ITPR2: variants seen among roughly 807,000 people sequenced by gnomAD.
The protein encoded by ITPR2 is inositol 1,4,5-trisphosphate receptor type 2.
A neutral mutation model predicts 317.1 loss-of-function variants in ITPR2; 207 were observed. That is an observed-to-expected ratio of 0.65 (90% CI 0.58 to 0.73). The LOEUF (loss-of-function observed/expected upper bound fraction) is 0.73. ITPR2 is among the 30% of genes least tolerant of loss of function. ITPR2 has a pLI of 0.00. For missense variants in ITPR2, 2,613 were observed against 3,284.0 expected (o/e 0.80, Z 4.99); for synonymous variants, 1,156 against 1,149.1 (o/e 1.01, Z -0.12).
chr12:26,515,904 G>A (rs1206264124), intron 37 of ITPR2, among the ~76,000 whole-genome samples: 2 of 150,986 alleles, frequency 1.3e-5, no homozygotes, highest in African/African-American at 2.4e-5. Context: ...GAGCCCAGGA[G>A]TTCAAGACCA....
chr12:26,503,087 A>G (rs1389022540), intron 37 of ITPR2, among the ~76,000 whole-genome samples: 1 of 151,834 alleles, frequency 6.6e-6, no homozygotes, highest in East Asian at 1.9e-4. Flanking sequence ...CTCCTGACCC[A>G]CAAACAAGAG....
At chr12:26,572,669 T>G (rs1472083846) in intron 34 of ITPR2, among the ~76,000 whole-genome samples, 1 of 152,210 alleles carries the variant, frequency 6.6e-6, no homozygotes, top group Non-Finnish European at 1.5e-5. Flanking sequence ...TGATGTAAGA[T>G]AAGATCTTGC....
chr12:26,436,570 A>C (rs1475745689), intron 47 of ITPR2, among the ~76,000 whole-genome samples: 1 of 152,210 alleles, frequency 6.6e-6, no homozygotes, highest in Non-Finnish European at 1.5e-5. Context: ...TTTAGGCCTA[A>C]ACTACTGTAG....
At chr12:26,621,519 T>C (rs1027369116) in intron 25 of ITPR2, among the ~76,000 whole-genome samples, 1 of 152,128 alleles carries the variant, frequency 6.6e-6, no homozygotes, top group Non-Finnish European at 1.5e-5. Flanking sequence ...CTGAAGTTAA[T>C]TTTTCTGAGA....
intron 34 of ITPR2, among the ~76,000 whole-genome samples, chr12:26,567,955 T>A (rs1296410579): frequency 1.2e-4 from 1 of 8,040 alleles, no homozygotes; most frequent in Non-Finnish European, 6.9e-4. Flanking sequence ...ATATATTATA[T>A]ATATATATAT....
intron 45 of ITPR2, among the ~76,000 whole-genome samples, chr12:26,456,421 G>C (rs1941886626): frequency 1.3e-5 from 2 of 152,190 alleles, no homozygotes; most frequent in South Asian, 4.1e-4. Context: ...TTCACTTCCA[G>C]GAATTGCCCA....
chr12:26,355,951 CA>C (rs1305872445), intron 55 of ITPR2, among the ~76,000 whole-genome samples: 6 of 152,188 alleles, frequency 3.9e-5, no homozygotes, highest in Non-Finnish European at 7.3e-5. Flanking sequence ...CCATTAGCAT[CA>C]GAGACCTAAA....
At chr12:26,439,077 A>G (rs750549678) in intron 47 of ITPR2, 50 bp downstream of exon 47, 5 of 1,190,008 alleles carry the variant, frequency 4.2e-6, no homozygotes, top group African/African-American at 1.5e-5. Context: ...AAAGTACCAA[A>G]TTATCTACCA....
chr12:26,586,094 A>G (rs1945518887), intron 32 of ITPR2, among the ~76,000 whole-genome samples: 1 of 152,098 alleles, frequency 6.6e-6, no homozygotes, highest in Non-Finnish European at 1.5e-5. Context: ...TGTGATGGTT[A>G]TTACCCTTTT....
In ITPR2 at chr12:26,398,894, T is replaced by C. The variant is rs1250429935; in HGVS notation, c.7678A>G (p.Thr2560Ala). The C allele has an allele frequency of 6.2e-7, 1 of 1,610,406 alleles. No individual in the cohort carries two copies. Among genetic ancestry groups the C allele is most frequent in the South Asian group, 1.1e-5 (1 of 89,996 alleles). ...EKQKKEEILK[T>A]TCFICGLERD... ...CACTTACCACAGATGAAACAAGTTG[T>C]CTTTAGAATTTCTTCTTTTTTCTGT... Residue 2560 changes from threonine (T) to alanine (A), a missense_variant, in exon 54 of 57, where the codon ACA becomes GCA. Thr to Ala is a moderately conservative substitution (Grantham distance 58, BLOSUM62 0). Coordinates refer to ENST00000381340, the MANE Select transcript of ITPR2 (RefSeq NM_002223.4).
intron 34 of ITPR2, among the ~76,000 whole-genome samples, chr12:26,562,916 T>C (rs1944858481): frequency 7.5e-6 from 1 of 134,210 alleles, no homozygotes; most frequent in Non-Finnish European, 1.7e-5. Context: ...TAAAGTATAA[T>C]TAAAAAAAAA....
intron 54 of ITPR2, among the ~76,000 whole-genome samples, chr12:26,390,699 C>T (rs959603874): frequency 6.6e-6 from 1 of 152,036 alleles, no homozygotes; most frequent in Non-Finnish European, 1.5e-5. Context: ...ATACTAAAAA[C>T]CACTGAATTG....
At chr12:26,341,782 T>C (rs1447759510) in intron 55 of ITPR2, among the ~76,000 whole-genome samples, 1 of 152,214 alleles carries the variant, frequency 6.6e-6, no homozygotes, top group African/African-American at 2.4e-5. Context: ...AAGGAGCTTA[T>C]GGCTCAGGAC....
In ITPR2 at chr12:26,339,108, C is replaced by T. The variant is rs1375992485; in HGVS notation, c.*289G>A. On this transcript the variant is annotated 3_prime_UTR_variant, in exon 57 of 57. Transcript: ENST00000381340. ...GTTCTCCCTGCCCCGTGTCTCCTTC[C>T]ATCCTGCCGCTCCCTGCCCTCTCCA... 1 of 304,802 alleles carries T rather than the reference C, an allele frequency of 3.3e-6. No individual in the cohort carries two copies. Among genetic ancestry groups the T allele is most frequent in the East Asian group, 6.9e-5 (1 of 14,576 alleles). 18.9% of individuals were successfully genotyped at this position (304,802 alleles called of 1,614,324 possible).
At chr12:26,571,440 C>G (rs1945157327) in intron 34 of ITPR2, among the ~76,000 whole-genome samples, 1 of 152,188 alleles carries the variant, frequency 6.6e-6, no homozygotes, top group African/African-American at 2.4e-5. Context: ...TCCCAAAACC[C>G]TTATAACTCA....
chr12:26,409,104 C>T (rs145216444), intron 52 of ITPR2, among the ~76,000 whole-genome samples: 2 of 152,060 alleles, frequency 1.3e-5, no homozygotes, highest in African/African-American at 4.8e-5. Flanking sequence ...AAATGAGGGA[C>T]ACCTGTAGAC....
At position 26,340,199 on chromosome 12, in the gene ITPR2, G is replaced by C. The variant is rs779028166; in HGVS notation, c.7987C>G (p.Leu2663Val). 7 of 1,607,878 alleles carry C rather than the reference G, an allele frequency of 4.4e-6. No individual in the cohort carries two copies. The Admixed American group carries it at 1.2e-4, about 27-fold the overall frequency. ...TTGAGCTCCGCCAGCTGACCCGACAGCTGTTTGACCAGACTCATGGTCGAT... is the reference window on the plus strand; with the variant it reads ...TTGAGCTCCGCCAGCTGACCCGACACCTGTTTGACCAGACTCATGGTCGAT... ...LESTMSLVKQLSGQLAELKEQ... is the reference protein window; with the variant it reads ...LESTMSLVKQVSGQLAELKEQ... Residue 2663 changes from leucine to valine, a missense_variant, in exon 56 of 57, where the codon CTG (leucine) becomes GTG (valine). By Grantham distance (32) the Leu-to-Val change is conservative. This residue lies in a region of ITPR2 where 119 missense variants were observed against 144.3 expected (regional missense o/e 0.82). Transcript: ENST00000381340.
chr12:26,752,928 G>A (rs1378652178), intron 2 of ITPR2, among the ~76,000 whole-genome samples: 1 of 152,092 alleles, frequency 6.6e-6, no homozygotes, highest in Non-Finnish European at 1.5e-5. Context: ...CAACCCAAAA[G>A]CTAACTTTGG....
chr12:26,494,238 A>AT lies in ITPR2; in HGVS notation c.5284dup (p.Ile1762AsnfsTer7). 1 of 1,613,796 alleles carries AT rather than the reference A, an allele frequency of 6.2e-7. No homozygotes were observed. The highest frequency in any genetic ancestry group is 1.3e-5 in the African/African-American group (1 of 75,008). ...AATTCTGTCATTTTTGGTGTTCACT[A>AT]TAACATCGATGACAAGTTCTGATGC... On this transcript the variant is annotated frameshift_variant, in exon 39 of 57. Coordinates refer to ENST00000381340, the MANE Select transcript of ITPR2 (RefSeq NM_002223.4). LOFTEE classifies it high-confidence loss of function.
Sources: allele counts gnomAD v4.1 joint callset (sites outside exome capture counted in the v4.1 genomes callset), GRCh38; gene constraint gnomAD v4.1.1; regional missense constraint gnomAD v4.1.1; transcripts MANE v1.5; gene names NCBI Gene and HGNC (gene_info 2026-07-23, HGNC 2026-07-21).